The following RASA1 variants were observed in gnomAD, a reference collection of about 807,000 sequenced individuals.
The protein encoded by RASA1 is RAS p21 protein activator 1, also known as ras GTPase-activating protein 1.
RASA1 carries 25 observed loss-of-function variants against 132.2 expected under a neutral mutation model. The observed-to-expected ratio is 0.19, with a 90% CI of 0.14 to 0.26. The LOEUF is 0.26. Among genes scored for constraint, RASA1 ranks in the 10% least tolerant of loss-of-function variants. The probability of loss-of-function intolerance (pLI) is 1.00; values close to 1 mark genes in which losing one functional copy is unlikely to be tolerated. For synonymous variants in RASA1, 477 were observed against 449.9 expected (o/e 1.06, Z -0.76); for missense variants, 964 against 1,299.2 (o/e 0.74, Z 3.97).
chr5:87,318,028 A>C (rs1481537022), intron 1 of RASA1, among the ~76,000 whole-genome samples: 2 of 152,090 alleles, frequency 1.3e-5, no homozygotes, highest in African/African-American at 2.4e-5. Flanking sequence ...AGTTGTAATG[A>C]AACAGTTTTC....
chr5:87,340,328 C>A (rs888618570), intron 5 of RASA1, among the ~76,000 whole-genome samples: 4 of 152,062 alleles, frequency 2.6e-5, no homozygotes, highest in Non-Finnish European at 5.9e-5. Context: ...TTCTGTTACA[C>A]TGTCTAAAAT....
intron 1 of RASA1, chr5:87,330,803 C>G: frequency 2.1e-6 from 1 of 483,278 alleles, no homozygotes; most frequent in Non-Finnish European, 3.4e-6. Context: ...AGTAGATTAT[C>G]TTAGAGCCAA....
chr5:87,338,536 A>ATATATATATATATATATATT lies in RASA1; in HGVS notation c.1017+446_1017+447insATATATATATATATATATTT. 4.5e-4 allele frequency among the ~76,000 whole-genome samples: 38 copies of ATATATATATATATATATATT among 85,182 alleles called. 1 individual carries two copies. Among genetic ancestry groups the ATATATATATATATATATATT allele is most frequent in the East Asian group, 3.0e-3 (6 of 2,016 alleles). The allele number at this position is 85,182 out of a possible 152,430, so 55.9% of individuals were successfully genotyped here. On this transcript the variant is annotated intron_variant, in intron 5 of 24. Coordinates refer to ENST00000274376, the MANE Select transcript of RASA1 (RefSeq NM_002890.3). ...ATATATATATATATATATATATAAA[A>ATATATATATATATATATATT]TTTTTTTTTTTTTTAAGTAGAAATG...
intron 1 of RASA1, among the ~76,000 whole-genome samples, chr5:87,296,817 G>C (rs574874390): frequency 1.3e-5 from 2 of 152,034 alleles, no homozygotes; most frequent in African/African-American, 2.4e-5. Context: ...AATGTTATCT[G>C]AGTTTTATGG....
chr5:87,289,102 T>C (rs1754802805), intron 1 of RASA1, among the ~76,000 whole-genome samples: 1 of 152,208 alleles, frequency 6.6e-6, no homozygotes, highest in African/African-American at 2.4e-5. Context: ...ACAGTCCTTT[T>C]TGCTTTTTAT....
intron 6 of RASA1, among the ~76,000 whole-genome samples, chr5:87,344,557 C>T (rs193258762): frequency 1.8e-3 from 280 of 152,052 alleles, no homozygotes; most frequent in African/African-American, 6.2e-3. Flanking sequence ...TTGCCCAAGC[C>T]GGAGTGCAGT....
At chr5:87,377,534 A>G (rs1761409703) in intron 17 of RASA1, among the ~76,000 whole-genome samples, 2 of 152,030 alleles carry the variant, frequency 1.3e-5, no homozygotes, top group South Asian at 2.1e-4. Context: ...ACGGGTTTTC[A>G]CCATGTTGGC....
intron 6 of RASA1, among the ~76,000 whole-genome samples, chr5:87,345,958 T>C (rs1580318495): frequency 6.6e-6 from 1 of 152,112 alleles, no homozygotes; most frequent in East Asian, 1.9e-4. Flanking sequence ...TGACTAGTAA[T>C]TACTTTTTAA....
intron 20 of RASA1, 94 bp downstream of exon 20, chr5:87,380,689 T>G: frequency 8.4e-7 from 1 of 1,186,914 alleles, no homozygotes. Flanking sequence ...AATGCTTTTT[T>G]CTTTGGCTTT....
Position 87,297,395 on chromosome 5 carries a change from A to G in RASA1, c.539+28405A>G, listed in dbSNP as rs140937601. Among the ~76,000 whole-genome samples the G allele has an allele frequency of 3.2e-3, 490 of 152,274 alleles. 6 individuals are homozygous for G. Among genetic ancestry groups the G allele is most frequent in the African/African-American group, 0.012 (479 of 41,542 alleles). On this transcript the variant is annotated intron_variant, in intron 1 of 24. Transcript: ENST00000274376. ...AATAGGCCTTTAGTGATGTAGTTAT[A>G]AGGGAGGCATTGTGTAGTTCTAGTA...
chr5:87,374,450 T>C (rs1761171722), intron 14 of RASA1, 130 bp downstream of exon 14: 2 of 279,526 alleles, frequency 7.2e-6, no homozygotes, highest in Non-Finnish European at 5.8e-6. Flanking sequence ...AGCATATATA[T>C]ATATATATAT....
intron 1 of RASA1, among the ~76,000 whole-genome samples, chr5:87,305,374 A>C (rs943140699): frequency 1.3e-5 from 2 of 152,144 alleles, no homozygotes; most frequent in Non-Finnish European, 2.9e-5. Flanking sequence ...TTTTTGACAA[A>C]CTTGACAAAA....
chr5:87,345,205 G>T (rs564204881), intron 6 of RASA1, among the ~76,000 whole-genome samples: 1 of 152,094 alleles, frequency 6.6e-6, no homozygotes, highest in Admixed American at 6.6e-5. Flanking sequence ...AAACCATGTG[G>T]TTGAAATATA....
chr5:87,288,706 T>G (rs1219257432), intron 1 of RASA1, among the ~76,000 whole-genome samples: 1 of 152,146 alleles, frequency 6.6e-6, no homozygotes, highest in Non-Finnish European at 1.5e-5. Flanking sequence ...ATATAGGCTT[T>G]TTTTTGGGTC....
At chr5:87,273,679 A>ATTTCT (rs1480610514) in intron 1 of RASA1, among the ~76,000 whole-genome samples, 1 of 149,342 alleles carries the variant, frequency 6.7e-6, no homozygotes, top group Admixed American at 6.7e-5. Flanking sequence ...AAGAATAGAG[A>ATTTCT]TTTCTTTTCT....
rs989202900 is a variant in RASA1 at position 87,268,061 on chromosome 5, G to T, written c.-391G>T. On this transcript the variant is annotated 5_prime_UTR_variant, in exon 1 of 25. Coordinates refer to ENST00000274376, the MANE Select transcript of RASA1 (RefSeq NM_002890.3). ...GGTGTGGGTGGCCGGAACTGGGGTG[G>T]TGAAGAAGCGGTGGTGGCGGCTGAA... The T allele has an allele frequency of 3.6e-5, 15 of 412,020 alleles. No individual in the cohort carries two copies. The Admixed American group carries it at 6.1e-4, about 17-fold the overall frequency. The allele number at this position is 412,020 out of a possible 1,614,324, so 25.5% of individuals were successfully genotyped here. A position where few individuals can be genotyped will look rare whatever the true frequency, so the allele number is the denominator to read the frequency against.
chr5:87,304,715 G>A (rs572062815), intron 1 of RASA1, among the ~76,000 whole-genome samples: 14 of 152,034 alleles, frequency 9.2e-5, no homozygotes, highest in Admixed American at 2.6e-4. Context: ...TGATCCACCC[G>A]CATCTGCCTC....
intron 9 of RASA1, among the ~76,000 whole-genome samples, chr5:87,357,934 T>C (rs1279195550): frequency 6.6e-6 from 1 of 152,204 alleles, no homozygotes; most frequent in African/African-American, 2.4e-5. Context: ...ACAGAAACTA[T>C]TAAGTGCTAT....
chr5:87,337,928 T>C (rs540231814), intron 4 of RASA1, 46 bp from the exon 5 acceptor site: 12 of 1,523,424 alleles, frequency 7.9e-6, no homozygotes, highest in Middle Eastern at 2.2e-4. Flanking sequence ...CTAATCTCTG[T>C]ATTTAAAATT....
Sources: gnomAD v4.1 joint callset for allele counts (sites outside exome capture counted in the v4.1 genomes callset) on GRCh38, gnomAD v4.1.1 for gene constraint, MANE v1.5 for transcripts, NCBI Gene and HGNC (gene_info 2026-07-23, HGNC 2026-07-21) for gene names.